CTNNA2: variants seen among roughly 807,000 people sequenced by gnomAD.
The protein encoded by CTNNA2 is catenin alpha-2.
A neutral mutation model predicts 101.0 loss-of-function variants in CTNNA2; 42 were observed. The ratio of observed to expected loss-of-function variants is 0.42; its 90% CI spans 0.32 to 0.54. The LOEUF is 0.54. Ranked by LOEUF, CTNNA2 falls within the 20% of genes least tolerant of loss-of-function variation. The probability of loss-of-function intolerance (pLI) is 0.14; values close to 1 mark genes in which losing one functional copy is unlikely to be tolerated. For synonymous variants in CTNNA2, 450 were observed against 456.4 expected (o/e 0.99, Z 0.18); for missense variants, 871 against 1,223.1 (o/e 0.71, Z 4.29).
chr2:80,085,570 G>A (rs1699387333), intron 7 of CTNNA2, among the ~76,000 whole-genome samples: 1 of 152,032 alleles, frequency 6.6e-6, no homozygotes, highest in Admixed American at 6.6e-5. Flanking sequence ...ATGTATAATG[G>A]TTGAATTCTA....
At position 80,306,450 on chromosome 2, in the gene CTNNA2, T is replaced by TTC. The variant is rs765222009; in HGVS notation, c.1057-86749_1057-86748dup. On this transcript the variant is annotated intron_variant, in intron 7 of 18. Coordinates refer to ENST00000402739, the MANE Select transcript of CTNNA2 (RefSeq NM_001282597.3). ...TTTCTTTCTTTCTTTCTTTCTTTCTTTCTCTCTCTCTCTTTCTTTCTTTCT... is the reference window on the plus strand; with the variant it reads ...TTTCTTTCTTTCTTTCTTTCTTTCTTTCTCTCTCTCTCTCTTTCTTTCTTTCT... Among the ~76,000 whole-genome samples the TTC allele has an allele frequency of 3.2e-3, 396 of 124,960 alleles. 8 individuals carry two copies. Among genetic ancestry groups the TTC allele is most frequent in the Admixed American group, 0.02 (236 of 11,774 alleles). 82.0% of individuals were successfully genotyped at this position (124,960 alleles called of 152,430 possible).
At chr2:79,752,633 C>T (rs1441399871) in intron 3 of CTNNA2, among the ~76,000 whole-genome samples, 1 of 152,186 alleles carries the variant, frequency 6.6e-6, no homozygotes, top group African/African-American at 2.4e-5. Context: ...TGGTACTCAA[C>T]TAAGGGCCCC....
intron 16 of CTNNA2, among the ~76,000 whole-genome samples, chr2:80,607,678 G>T (rs1270836462): frequency 2.0e-5 from 3 of 151,820 alleles, no homozygotes; most frequent in East Asian, 1.9e-4. Flanking sequence ...TCCAAAAAGT[G>T]TAATAGATTT....
chr2:79,652,623 A>C (rs189617585), intron 2 of CTNNA2, among the ~76,000 whole-genome samples: 4 of 152,226 alleles, frequency 2.6e-5, no homozygotes, highest in Admixed American at 6.5e-5. Flanking sequence ...CAAATACTCC[A>C]GAAAAATCCT....
At chr2:80,551,156 G>A (rs1000093306) in intron 11 of CTNNA2, among the ~76,000 whole-genome samples, 2 of 152,172 alleles carry the variant, frequency 1.3e-5, no homozygotes, top group East Asian at 3.8e-4. Flanking sequence ...ATAACATTTT[G>A]AAAAGAATTA....
intron 7 of CTNNA2, among the ~76,000 whole-genome samples, chr2:80,384,594 A>C (rs763760399): frequency 4.1e-4 from 62 of 151,514 alleles, no homozygotes; most frequent in Non-Finnish European, 8.2e-4. Context: ...CGAGATCTCC[A>C]CTGTGGTGAG....
chr2:80,498,938 G>A (rs1018593157), intron 9 of CTNNA2, among the ~76,000 whole-genome samples: 1 of 152,034 alleles, frequency 6.6e-6, no homozygotes, highest in Non-Finnish European at 1.5e-5. Context: ...ATCATTCAAG[G>A]CAGTCAGTTT....
chr2:80,117,433 C>T (rs967454156), intron 7 of CTNNA2, among the ~76,000 whole-genome samples: 2 of 141,614 alleles, frequency 1.4e-5, no homozygotes, highest in Admixed American at 7.3e-5. Flanking sequence ...GTATTTTATT[C>T]AGCATAGATG....
intron 7 of CTNNA2, among the ~76,000 whole-genome samples, chr2:79,993,284 C>A (rs1692308647): frequency 6.6e-6 from 1 of 152,204 alleles, no homozygotes; most frequent in Non-Finnish European, 1.5e-5. Flanking sequence ...ACTCCAACAA[C>A]TTCCTGCAGC....
chr2:80,269,372 G>A lies in CTNNA2; in HGVS notation c.1057-123839G>A, dbSNP rs142342290. On this transcript the variant is annotated intron_variant, in intron 7 of 18. Transcript: ENST00000402739. Reference sequence around the variant, plus strand: ...TTGTGAAGAAGGACGTGTTTGCTTCGCCTTCCACCATGATCATAAGTTTCT... The same window carrying A: ...TTGTGAAGAAGGACGTGTTTGCTTCACCTTCCACCATGATCATAAGTTTCT... Among the ~76,000 whole-genome samples, 85 of 152,120 alleles carry A rather than the reference G, an allele frequency of 5.6e-4. No homozygotes were observed. In the East Asian group the frequency reaches 9.1e-3, roughly 16 times the overall value.
intron 1 of CTNNA2, among the ~76,000 whole-genome samples, chr2:79,599,771 A>G (rs953505787): frequency 1.3e-5 from 2 of 152,196 alleles, no homozygotes; most frequent in Non-Finnish European, 2.9e-5. Flanking sequence ...AAATTTCTTT[A>G]AAGTCACATT....
intron 2 of CTNNA2, among the ~76,000 whole-genome samples, chr2:79,199,345 A>G (rs1674003022): frequency 6.6e-6 from 1 of 152,232 alleles, no homozygotes; most frequent in East Asian, 1.9e-4. Context: ...AACAATGATA[A>G]CCCAACATTG....
At chr2:79,564,498 A>T (rs187566209) in intron 1 of CTNNA2, among the ~76,000 whole-genome samples, 197 of 152,200 alleles carry the variant, frequency 1.3e-3, no homozygotes, top group African/African-American at 4.5e-3. Context: ...GGTGAAGATG[A>T]TTGAATTTTC....
At chr2:79,388,019 A>G (rs989375758) in intron 4 of CTNNA2, among the ~76,000 whole-genome samples, 1 of 152,152 alleles carries the variant, frequency 6.6e-6, no homozygotes, top group Non-Finnish European at 1.5e-5. Context: ...ATTTTACTGT[A>G]TTAAGGGGAG....
intron 4 of CTNNA2, among the ~76,000 whole-genome samples, chr2:79,427,461 A>T (rs1678604950): frequency 1.3e-5 from 2 of 152,004 alleles, no homozygotes; most frequent in African/African-American, 4.8e-5. Context: ...AAGCTTTATT[A>T]ACTTCTGATT....
chr2:79,801,294 C>G (rs755478058), intron 3 of CTNNA2, among the ~76,000 whole-genome samples: 7 of 152,176 alleles, frequency 4.6e-5, no homozygotes, highest in Non-Finnish European at 8.8e-5. Flanking sequence ...CTCTTGCTTT[C>G]TGCCCCAGGG....
At chr2:80,375,199 G>A (rs1313261008) in intron 7 of CTNNA2, among the ~76,000 whole-genome samples, 1 of 152,184 alleles carries the variant, frequency 6.6e-6, no homozygotes, top group African/African-American at 2.4e-5. Context: ...GTTAATCACA[G>A]GAGAACGGAC....
At chr2:80,502,819 A>T (rs77664619) in intron 9 of CTNNA2, among the ~76,000 whole-genome samples, 41 of 152,128 alleles carry the variant, frequency 2.7e-4, no homozygotes, top group African/African-American at 9.4e-4. Context: ...GGCTGGGGTG[A>T]GAACCTTCTT....
intron 7 of CTNNA2, among the ~76,000 whole-genome samples, chr2:80,236,875 T>G (rs2149084489): frequency 6.6e-6 from 1 of 152,332 alleles, no homozygotes. Context: ...GGCACCAATT[T>G]ATAGGCTCCA....
Sources: gnomAD v4.1 joint callset for allele counts (sites outside exome capture counted in the v4.1 genomes callset) on GRCh38, gnomAD v4.1.1 for gene constraint, MANE v1.5 for transcripts, NCBI Gene and HGNC (gene_info 2026-07-23, HGNC 2026-07-21) for gene names.